SSX2IP: variants seen among roughly 807,000 people sequenced by gnomAD.
The protein encoded by SSX2IP is afadin- and alpha-actinin-binding protein.
SSX2IP carries 55 observed loss-of-function variants against 84.9 expected under a neutral mutation model. The observed-to-expected ratio is 0.65, with a 90% CI of 0.52 to 0.81. The LOEUF (loss-of-function observed/expected upper bound fraction) is 0.81, where lower values mean the gene tolerates loss of function less well. SSX2IP is among the 30% of genes least tolerant of loss of function. The pLI, the probability that SSX2IP is intolerant of heterozygous loss-of-function variation, is 0.00. For synonymous variants in SSX2IP, 239 were observed against 234.7 expected (o/e 1.02, Z -0.17); for missense variants, 664 against 705.2 (o/e 0.94, Z 0.66).
intron 1 of SSX2IP, among the ~76,000 whole-genome samples, chr1:84,675,760 C>T (rs568632007): frequency 6.6e-6 from 1 of 152,272 alleles, no homozygotes; most frequent in East Asian, 1.9e-4. Flanking sequence ...GTCTAAGTGG[C>T]TATTCCTCTA....
rs1403799250 is a variant in SSX2IP, at chr1:84,644,518, ACTTT to A, written c.*2911_*2914del. The A allele has an allele frequency of 6.6e-6, 1 of 151,860 alleles. No individual in the cohort carries two copies. Among genetic ancestry groups the A allele is most frequent in the Non-Finnish European group, 1.5e-5 (1 of 68,042 alleles). The allele number at this position is 151,860 out of a possible 1,614,324, so 9.4% of individuals were successfully genotyped here. On this transcript the variant is annotated 3_prime_UTR_variant, in exon 14 of 14. Transcript: ENST00000342203. ...TACTAGACTTCCATAATCCATACTT[ACTTT>A]AAATTCAATCTAGAAATAACATGAC...
At position 84,650,343 on chromosome 1, in the gene SSX2IP, A is replaced by T. The variant is rs1370589520; in HGVS notation, c.1670+19T>A. On this transcript the variant is annotated intron_variant, in intron 13 of 13. Transcript: ENST00000342203. ...GCAATTTTTAGAAACACGTGAAAAG[A>T]TCACCTATAGACAAATACCTATGTT... 6.2e-7 allele frequency: 1 copy of T among 1,614,060 alleles called. No homozygotes were observed. The highest frequency in any genetic ancestry group is 8.5e-7 in the Non-Finnish European group (1 of 1,179,890).
intron 1 of SSX2IP, among the ~76,000 whole-genome samples, chr1:84,680,653 A>G (rs574459060): frequency 1.4e-5 from 2 of 143,886 alleles, no homozygotes; most frequent in Admixed American, 7.0e-5. Context: ...AGTCCTCAGG[A>G]AAAAAAAACA....
Position 84,656,058 on chromosome 1 carries a change from C to T in SSX2IP, c.1216-53G>A, listed in dbSNP as rs376325602. The T allele has an allele frequency of 3.4e-5, 51 of 1,493,850 alleles. No individual in the cohort carries two copies. The East Asian group carries it at 4.6e-4, about 13-fold the overall frequency. 92.5% of individuals were successfully genotyped at this position (1,493,850 alleles called of 1,614,324 possible). ...CCTGAGGGACCTTGCGACACTCCAA[C>T]GAGTTGAAATGAAAGCAAGGGAAGG... On this transcript the variant is annotated intron_variant, in intron 10 of 13. Transcript: ENST00000342203.
upstream of SSX2IP, chr1:84,690,649 G>T (rs889201442): frequency 6.6e-6 from 1 of 152,214 alleles, no homozygotes; most frequent in African/African-American, 2.4e-5. Flanking sequence ...TGGTCGGGTG[G>T]GGGCCTCGGT....
intron 11 of SSX2IP, 89 bp downstream of exon 11, chr1:84,655,743 T>C (rs1365075515): frequency 6.8e-7 from 1 of 1,470,118 alleles, no homozygotes; most frequent in African/African-American, 1.4e-5. Context: ...AATAAGTAAA[T>C]AGCAAGAAAA....
At chr1:84,654,624 G>A (rs1403519821) in intron 11 of SSX2IP, among the ~76,000 whole-genome samples, 1 of 152,088 alleles carries the variant, frequency 6.6e-6, no homozygotes, top group Non-Finnish European at 1.5e-5. Flanking sequence ...AATCACAAAG[G>A]AAGCTACAGA....
intron 1 of SSX2IP, among the ~76,000 whole-genome samples, chr1:84,680,032 A>G (rs1654866970): frequency 6.6e-6 from 1 of 152,226 alleles, no homozygotes. Context: ...AAGAACCAGA[A>G]AAAACAGAAC....
intron 1 of SSX2IP, among the ~76,000 whole-genome samples, chr1:84,682,504 CTT>C (rs375144986): frequency 5.7e-5 from 8 of 140,222 alleles, no homozygotes; most frequent in Admixed American, 1.4e-4. Flanking sequence ...TTTGTCTTCA[CTT>C]TTTTTTTTTT....
At chr1:84,663,508 C>T (rs975764152) in intron 6 of SSX2IP, among the ~76,000 whole-genome samples, 1 of 152,184 alleles carries the variant, frequency 6.6e-6, no homozygotes, top group Non-Finnish European at 1.5e-5. Flanking sequence ...ATTACTGAAT[C>T]TTCATTTCTA....
chr1:84,648,781 ATTATCT>A (rs1398922821), intron 13 of SSX2IP, among the ~76,000 whole-genome samples: 2 of 152,232 alleles, frequency 1.3e-5, no homozygotes, highest in Non-Finnish European at 2.9e-5. Flanking sequence ...AAGCTTACAC[ATTATCT>A]TTTGATTGTA....
At chr1:84,670,041 C>T (rs1450156668) in intron 3 of SSX2IP, 148 bp from the exon 4 acceptor site, 1 of 581,228 alleles carries the variant, frequency 1.7e-6, no homozygotes, top group African/African-American at 1.9e-5. Context: ...GTACTATATT[C>T]CTGAAATTGC....
chr1:84,687,369 C>T (rs4579775), intron 1 of SSX2IP, among the ~76,000 whole-genome samples: 46,671 of 152,106 alleles, frequency 0.31, 8,729 homozygotes, highest in East Asian at 0.49. Context: ...AAGACTATTT[C>T]TTCTCTCATC....
intron 9 of SSX2IP, among the ~76,000 whole-genome samples, chr1:84,657,656 C>T (rs1397567386): frequency 6.6e-6 from 1 of 152,110 alleles, no homozygotes; most frequent in Non-Finnish European, 1.5e-5. Context: ...GATTTTGGTG[C>T]ACCCATCACC....
chr1:84,688,758 G>T (rs1248712255), intron 1 of SSX2IP, among the ~76,000 whole-genome samples: 1 of 152,184 alleles, frequency 6.6e-6, no homozygotes, highest in African/African-American at 2.4e-5. Context: ...TGTGTTATGA[G>T]ATCTCCACAT....
Sources: gnomAD v4.1 joint callset for allele counts (sites outside exome capture counted in the v4.1 genomes callset) on GRCh38, gnomAD v4.1.1 for gene constraint, MANE v1.5 for transcripts, NCBI Gene and HGNC (gene_info 2026-07-23, HGNC 2026-07-21) for gene names.